The following LAMA1 variants were observed in gnomAD, a reference collection of about 807,000 sequenced individuals.
LAMA1 encodes the protein laminin subunit alpha 1, also known as laminin subunit alpha-1.
A neutral mutation model predicts 348.7 loss-of-function variants in LAMA1; 219 were observed. The observed-to-expected ratio is 0.63, with a 90% confidence interval of 0.56 to 0.70. LAMA1 has a LOEUF of 0.70. Among genes scored for constraint, LAMA1 ranks in the 30% least tolerant of loss-of-function variants. The pLI is 0.00. For missense variants in LAMA1, 3,744 were observed against 3,888.0 expected (o/e 0.96, Z 0.99); for synonymous variants, 1,487 against 1,491.0 (o/e 1.00, Z 0.06).
At chr18:6,975,848 A>ATT (rs377629757) in intron 45 of LAMA1, 89 bp downstream of exon 45, 12 of 1,456,808 alleles carry the variant, frequency 8.2e-6, no homozygotes, top group African/African-American at 4.3e-5. Context: ...ACTAAGGCCT[A>ATT]TTTTTTTTTC....
chr18:6,994,735 C>T (rs1299326227), intron 34 of LAMA1, among the ~76,000 whole-genome samples: 1 of 151,088 alleles, frequency 6.6e-6, no homozygotes, highest in Non-Finnish European at 1.5e-5. Flanking sequence ...GTAAATTTGA[C>T]AATAATCCTT....
At chr18:7,096,406 G>A (rs1236212717) in intron 1 of LAMA1, among the ~76,000 whole-genome samples, 1 of 152,168 alleles carries the variant, frequency 6.6e-6, no homozygotes, top group Non-Finnish European at 1.5e-5. Flanking sequence ...GCTGGGCATC[G>A]TGGCTCACAC....
Position 6,978,362 on chromosome 18 carries a change from T to A in LAMA1, c.6024A>T (p.Gly2008=). 1.9e-6 allele frequency: 3 copies of A among 1,614,130 alleles called. No individual in the cohort carries two copies. The highest frequency in any genetic ancestry group is 2.5e-6 in the Non-Finnish European group (3 of 1,180,018). ...ACGTGGCCAGCTCTTTGGTTTTGGC[T>A]CCCTTGTCTCTTATACCTAAAATAA... is the stretch of plus-strand genomic sequence containing the variant. ...RAIPKGIRDK[G]AKTKELATSA... Residue 2008 remains glycine (G), a synonymous_variant, in exon 43 of 63, where the codon GGA becomes GGT. Transcript: ENST00000389658.
Position 7,002,309 on chromosome 18 carries a change from G to C in LAMA1, c.4337C>G (p.Ala1446Gly), listed in dbSNP as rs2057811301. 6.2e-7 allele frequency: 1 copy of C among 1,613,446 alleles called. No homozygotes were observed. The highest frequency in any genetic ancestry group is 8.5e-7 in the Non-Finnish European group (1 of 1,179,988). ...SGYYGKVTGS[A>G]SDCALCACPH... ...ACAGGCACACAGAGCACAGTCACTTGCTGAGCCAGTCACCTTCCCGTAGTA... is the reference window on the plus strand; with the variant it reads ...ACAGGCACACAGAGCACAGTCACTTCCTGAGCCAGTCACCTTCCCGTAGTA... Residue 1446 changes from alanine to glycine, a missense_variant, in exon 30 of 63, where the codon GCA becomes GGA. Physicochemically the swap from Ala to Gly is moderately conservative, Grantham distance 60 (BLOSUM62 0). This residue lies in a region of LAMA1 where 1,983 missense variants were observed against 1,934.3 expected (regional missense o/e 1.03). Transcript: ENST00000389658.
chr18:7,039,725 C>T (rs992657884), intron 10 of LAMA1, among the ~76,000 whole-genome samples: 1 of 151,916 alleles, frequency 6.6e-6, no homozygotes, highest in East Asian at 1.9e-4. Context: ...ATTTGGCCCA[C>T]GAGCCATAGT....
chr18:7,007,191 C>T lies in LAMA1; in HGVS notation c.4208G>A (p.Cys1403Tyr), dbSNP rs1568027914. 1.2e-6 allele frequency: 2 copies of T among 1,614,168 alleles called. No individual in the cohort carries two copies. The highest frequency in any genetic ancestry group is 1.7e-6 in the Non-Finnish European group (2 of 1,180,028). ...GGTGTCACTGTGGTTGTTGCAACTG[C>T]AGGGAACACAAGGAGCAACCAGAGG... Reference protein sequence around the residue: ...PRPLVAPCVPCSCNNHSDTCD... With the variant: ...PRPLVAPCVPYSCNNHSDTCD... The change falls in exon 29 of 63, where the codon TGC (cysteine) becomes TAC (tyrosine). Residue 1403 changes from cysteine to tyrosine, a missense_variant. Around this residue, in one of 3 missense-constraint regions of LAMA1, gnomAD observed 1,983 missense variants for 1,934.3 expected, o/e 1.03. Coordinates refer to ENST00000389658, the MANE Select transcript of LAMA1 (RefSeq NM_005559.4).
chr18:6,970,855 C>T (rs144460115), intron 48 of LAMA1, among the ~76,000 whole-genome samples: 50 of 152,244 alleles, frequency 3.3e-4, no homozygotes, highest in African/African-American at 9.4e-4. Flanking sequence ...TCAGGTGATC[C>T]GCCCGCCTCG....
chr18:6,944,281 G>T (rs534816645), intron 61 of LAMA1, among the ~76,000 whole-genome samples: 1 of 152,154 alleles, frequency 6.6e-6, no homozygotes, highest in Non-Finnish European at 1.5e-5. Context: ...CTCCCAAAGT[G>T]CCGGGATTAC....
In LAMA1 at chr18:7,107,243, T is replaced by C. The variant is rs192442573; in HGVS notation, c.61+10417A>G. On this transcript the variant is annotated intron_variant, in intron 1 of 62. Transcript: ENST00000389658. Reference sequence around the variant, plus strand: ...ACGCCATTCTCCTGCCTCTGCCTCCTGAGTAGCTAGGACTACAGGCACCCG... The same window carrying C: ...ACGCCATTCTCCTGCCTCTGCCTCCCGAGTAGCTAGGACTACAGGCACCCG... 5.5e-3 allele frequency among the ~76,000 whole-genome samples: 839 copies of C among 151,580 alleles called. 9 individuals are homozygous for C. The highest frequency in any genetic ancestry group is 0.035 in the East Asian group (176 of 5,060).
Position 6,978,344 on chromosome 18 carries a change from CA to C in LAMA1, c.6041del (p.Leu2014ArgfsTer10). 5 of 1,614,154 alleles carry C rather than the reference CA, an allele frequency of 3.1e-6. No individual in the cohort carries two copies. The highest frequency in any genetic ancestry group is 4.2e-6 in the Non-Finnish European group (5 of 1,180,044). On this transcript the variant is annotated frameshift_variant, in exon 43 of 63. Transcript: ENST00000389658. LOFTEE classifies it high-confidence loss of function. The part of the protein sequence containing the change: ...IRDKGAKTKE[L>X]ATSASQSAVS... ...CCGCGCTCTGGCTTGCAGACGTGGCCAGCTCTTTGGTTTTGGCTCCCTTGTC... is the reference window on the plus strand; with the variant it reads ...CCGCGCTCTGGCTTGCAGACGTGGCCGCTCTTTGGTTTTGGCTCCCTTGTC...
intron 28 of LAMA1, among the ~76,000 whole-genome samples, chr18:7,007,913 T>TGATTGA (rs147083125): frequency 2.9e-5 from 4 of 136,742 alleles, no homozygotes; most frequent in African/African-American, 1.0e-4. Context: ...ATTACTCCAC[T>TGATTGA]TTTATTTATT....
At chr18:7,073,975 T>C (rs2058156618) in intron 3 of LAMA1, among the ~76,000 whole-genome samples, 1 of 152,078 alleles carries the variant, frequency 6.6e-6, no homozygotes, top group South Asian at 2.1e-4. Context: ...GCTGGGATTA[T>C]AGGCATTGGC....
rs1270919490 is a variant in LAMA1, at chr18:7,117,059, G to A, written c.61+601C>T. On this transcript the variant is annotated intron_variant, in intron 1 of 62. Transcript: ENST00000389658. ...GGGAAGGCGCATCAGTGCCCTGGAC[G>A]CCGCCTGCGGGTCCCCCTGCCCGGG... 9.9e-5 allele frequency among the ~76,000 whole-genome samples: 15 copies of A among 152,262 alleles called. No homozygotes were observed. In the East Asian group the frequency reaches 2.5e-3, roughly 26 times the overall value.
rs571076963 is a variant in LAMA1, at chr18:7,008,073, C to G, written c.4122+415G>C. Among the ~76,000 whole-genome samples the G allele has an allele frequency of 7.9e-5, 12 of 152,188 alleles. No homozygotes were observed. In the East Asian group the frequency reaches 2.3e-3, roughly 29 times the overall value. On this transcript the variant is annotated intron_variant, in intron 28 of 62. Coordinates refer to ENST00000389658, the MANE Select transcript of LAMA1 (RefSeq NM_005559.4). ...TCAGCCTCCTGAGTAGCTGGGATTA[C>G]AGGCATGTGCCATGCATATATATAT...
chr18:6,983,379 C>T, intron 39 of LAMA1, 145 bp from the exon 40 acceptor site: 4 of 834,922 alleles, frequency 4.8e-6, no homozygotes, highest in Non-Finnish European at 5.8e-6. Flanking sequence ...AAAATAACAA[C>T]CTATGGGTTC....
At chr18:7,063,765 G>A (rs2058111782) in intron 3 of LAMA1, among the ~76,000 whole-genome samples, 1 of 152,160 alleles carries the variant, frequency 6.6e-6, no homozygotes, top group African/African-American at 2.4e-5. Flanking sequence ...AGGACAAATA[G>A]AATATGATTC....
At position 6,964,859 on chromosome 18, in the gene LAMA1, G is replaced by A. The variant is rs540831732; in HGVS notation, c.7196-56C>T. On this transcript the variant is annotated intron_variant, in intron 50 of 62. Coordinates refer to ENST00000389658, the MANE Select transcript of LAMA1 (RefSeq NM_005559.4). ...AAAGGAAAATCCCTTTCCATGTTAA[G>A]GTAAAATGCAAACTTCTGGCAACAA... 25 of 1,599,332 alleles carry A rather than the reference G, an allele frequency of 1.6e-5. No individual in the cohort carries two copies. The Admixed American group carries it at 3.2e-4, about 20-fold the overall frequency.
At chr18:7,071,575 T>C (rs1177027040) in intron 3 of LAMA1, among the ~76,000 whole-genome samples, 2 of 152,266 alleles carry the variant, frequency 1.3e-5, no homozygotes, top group East Asian at 3.8e-4. Flanking sequence ...GGCCTGAGGA[T>C]TCTTAGGCAA....
chr18:7,100,344 T>G (rs781516413), intron 1 of LAMA1, among the ~76,000 whole-genome samples: 5 of 152,140 alleles, frequency 3.3e-5, no homozygotes, highest in African/African-American at 4.8e-5. Context: ...TATCATCAGG[T>G]AATGCATAGT....
Sources: gnomAD v4.1 joint callset for allele counts (sites outside exome capture counted in the v4.1 genomes callset) on GRCh38, gnomAD v4.1.1 for gene constraint, gnomAD v4.1.1 regional missense constraint, MANE v1.5 for transcripts, NCBI Gene and HGNC (gene_info 2026-07-23, HGNC 2026-07-21) for gene names.